The following KIAA0586 variants were observed in gnomAD, a reference collection of about 807,000 sequenced individuals.
The protein encoded by KIAA0586 is KIAA0586, also known as protein TALPID3.
In KIAA0586, 144 loss-of-function variants were observed where a neutral mutation model predicts 169.8. The ratio of observed to expected loss-of-function variants is 0.85; its 90% CI spans 0.74 to 0.97. The LOEUF (loss-of-function observed/expected upper bound fraction) is 0.97, where lower values mean the gene tolerates loss of function less well. Ranked by LOEUF, KIAA0586 falls within the 50% of genes least tolerant of loss-of-function variation. The probability of loss-of-function intolerance (pLI) is 0.00; values close to 1 mark genes in which losing one functional copy is unlikely to be tolerated. For missense variants in KIAA0586, 1,854 were observed against 1,823.0 expected (o/e 1.02, Z -0.31); for synonymous variants, 625 against 612.4 (o/e 1.02, Z -0.30).
chr14:58,512,496 A>G (rs1480456241), intron 28 of KIAA0586, 26 bp from the exon 29 acceptor site: 2 of 1,215,802 alleles, frequency 1.6e-6, no homozygotes, highest in Non-Finnish European at 2.2e-6. Context: ...AAATAATATT[A>G]TGACTTCATA....
At chr14:58,460,886 C>A in intron 13 of KIAA0586, 100 bp from the exon 14 acceptor site, 4 of 752,698 alleles carry the variant, frequency 5.3e-6, no homozygotes, top group South Asian at 4.3e-5. Context: ...CTTAATCATT[C>A]TTGTTATAAT....
Position 58,498,848 on chromosome 14 carries a change from G to T in KIAA0586, c.4056G>T (p.Glu1352Asp). 5.6e-6 allele frequency: 9 copies of T among 1,611,796 alleles called. No individual in the cohort carries two copies. In the South Asian group the frequency reaches 1.0e-4, roughly 18 times the overall value. The change falls in exon 27 of 31, where the codon GAG becomes GAT. Residue 1352 changes from glutamate (E) to aspartate (D), a missense_variant. Glu to Asp is a conservative substitution (Grantham distance 45). Transcript: ENST00000652326. ...GQRPQLTAAA[E>D]NILMGHSLYM... ...GACCCCAGCTAACAGCGGCAGCAGA[G>T]AACATCTTAATGGGACATTCTCTCT...
At chr14:58,551,425 C>T (rs1566973518), downstream of KIAA0586, 1 of 152,004 alleles carries the variant, frequency 6.6e-6, no homozygotes, top group Non-Finnish European at 1.5e-5. Flanking sequence ...AGTAAAGTAG[C>T]ATTTTTAAGT....
intron 27 of KIAA0586, among the ~76,000 whole-genome samples, chr14:58,507,551 A>G (rs1050633787): frequency 4.0e-5 from 6 of 151,726 alleles, no homozygotes; most frequent in African/African-American, 1.4e-4. Flanking sequence ...TTGATTTTGG[A>G]CAGTTAGTTA....
intron 20 of KIAA0586, among the ~76,000 whole-genome samples, chr14:58,480,784 T>C (rs1269838306): frequency 6.6e-6 from 1 of 152,258 alleles, no homozygotes; most frequent in Non-Finnish European, 1.5e-5. Context: ...ATAGCTCACA[T>C]GCCTCCTTCT....
intron 8 of KIAA0586, among the ~76,000 whole-genome samples, chr14:58,452,244 AACCAAAT>A (rs1454934620): frequency 6.6e-6 from 1 of 152,176 alleles, no homozygotes; most frequent in Non-Finnish European, 1.5e-5. Flanking sequence ...TTATTCATGT[AACCAAAT>A]ACCACCTGTT....
chr14:58,492,578 G>A (rs2042905568), intron 26 of KIAA0586, among the ~76,000 whole-genome samples: 1 of 152,106 alleles, frequency 6.6e-6, no homozygotes. Flanking sequence ...ACAAAGATAA[G>A]TAAGACATGA....
intron 27 of KIAA0586, among the ~76,000 whole-genome samples, chr14:58,504,717 A>G (rs992037606): frequency 7.2e-5 from 11 of 152,188 alleles, no homozygotes; most frequent in Admixed American, 6.5e-4. Flanking sequence ...TTATACAGGT[A>G]AGACACCCAC....
chr14:58,555,712 A>G (rs1043184861), downstream of KIAA0586, among the ~76,000 whole-genome samples: 4 of 152,110 alleles, frequency 2.6e-5, no homozygotes, highest in African/African-American at 7.2e-5. Flanking sequence ...TTGATGGATC[A>G]TGCCACTCCC....
At chr14:58,485,886 G>A (rs2042403776) in intron 21 of KIAA0586, among the ~76,000 whole-genome samples, 1 of 152,084 alleles carries the variant, frequency 6.6e-6, no homozygotes, top group African/African-American at 2.4e-5. Flanking sequence ...CACTTAAAAT[G>A]CTTCCTTTCT....
At chr14:58,525,682 A>C (rs2139938420) in intron 29 of KIAA0586, among the ~76,000 whole-genome samples, 1 of 152,250 alleles carries the variant, frequency 6.6e-6, no homozygotes, top group South Asian at 2.1e-4. Flanking sequence ...TTCATACTTC[A>C]GTGGCACTTG....
rs1189319999 is a variant in KIAA0586, at chr14:58,444,915, G to GGA, written c.807+740_807+741insGA. Among the ~76,000 whole-genome samples, 20 of 111,946 alleles carry GGA rather than the reference G, an allele frequency of 1.8e-4. 3 individuals are homozygous for GGA. Among genetic ancestry groups the GGA allele is most frequent in the East Asian group, 4.9e-4 (2 of 4,064 alleles). The allele number at this position is 111,946 out of a possible 152,430, so 73.4% of individuals were successfully genotyped here. A position where few individuals can be genotyped will look rare whatever the true frequency, so the allele number is the denominator to read the frequency against. ...GATGTAGCAAGACCTCATCTCTTAGGAAAAAAAAAAAAAAAAAAAAAAAAA... is the reference window on the plus strand; with the variant it reads ...GATGTAGCAAGACCTCATCTCTTAGGGAAAAAAAAAAAAAAAAAAAAAAAAAA... On this transcript the variant is annotated intron_variant, in intron 6 of 30. Transcript: ENST00000652326.
chr14:58,451,442 G>A (rs1301899564), intron 8 of KIAA0586, among the ~76,000 whole-genome samples: 1 of 151,746 alleles, frequency 6.6e-6, no homozygotes, highest in African/African-American at 2.4e-5. Context: ...TCCCAGGCTG[G>A]TCACAAACTC....
Position 58,448,413 on chromosome 14 carries a change from A to T in KIAA0586, c.881A>T (p.Glu294Val), listed in dbSNP as rs765495285. 6.2e-7 allele frequency: 1 copy of T among 1,610,532 alleles called. No homozygotes were observed. The highest frequency in any genetic ancestry group is 1.3e-5 in the African/African-American group (1 of 74,842). Residue 294 changes from glutamate (E) to valine (V), a missense_variant, in exon 7 of 31, where the codon GAA becomes GTA. By Grantham distance (121) the Glu-to-Val change is moderately radical. Transcript: ENST00000652326. Reference sequence around the variant, plus strand: ...AGTATGCCCTCCTCCAGAGCAGTGGAAAAGTATTCCGTAAAACCAGAACAC... The same window carrying T: ...AGTATGCCCTCCTCCAGAGCAGTGGTAAAGTATTCCGTAAAACCAGAACAC... ...PVSMPSSRAV[E>V]KYSVKPEHPN...
rs2037061725 is a variant in KIAA0586, at chr14:58,428,569, G to A, written c.199+106G>A. ...AGATATAAGTCTAGTTTGTACAGAT[G>A]TTTGAAAACTGACCCTGTTTCCCGG... On this transcript the variant is annotated intron_variant, in intron 1 of 30. Transcript: ENST00000652326. 3 of 790,578 alleles carry A rather than the reference G, an allele frequency of 3.8e-6. No individual in the cohort carries two copies. In the South Asian group the frequency reaches 5.9e-5, roughly 15 times the overall value. The allele number at this position is 790,578 out of a possible 1,614,324, so 49.0% of individuals were successfully genotyped here.
intron 20 of KIAA0586, among the ~76,000 whole-genome samples, chr14:58,479,086 A>T (rs1437814109): frequency 6.6e-6 from 1 of 152,204 alleles, no homozygotes; most frequent in Admixed American, 6.5e-5. Flanking sequence ...GTTTAACTTT[A>T]TAAGAAACTG....
At chr14:58,432,363 A>G (rs2037449432) in intron 3 of KIAA0586, 25 bp from the exon 4 acceptor site, 3 of 1,354,302 alleles carry the variant, frequency 2.2e-6, no homozygotes, top group Non-Finnish European at 3.0e-6. Flanking sequence ...AATTTAATAT[A>G]TATTTTTGTG....
rs561101344 is a variant in KIAA0586, at chr14:58,481,927, C to G, written c.2945-586C>G. ...CTCCTGGGTTCACGCCATCCTCCTG[C>G]CTCAGCCTCCCGAGTAGCTGGGACT... On this transcript the variant is annotated intron_variant, in intron 20 of 30. Coordinates refer to ENST00000652326, the MANE Select transcript of KIAA0586 (RefSeq NM_001329943.3). Among the ~76,000 whole-genome samples, 19 of 152,064 alleles carry G rather than the reference C, an allele frequency of 1.2e-4. No homozygotes were observed. The East Asian group carries it at 3.0e-3, about 24-fold the overall frequency.
intron 20 of KIAA0586, among the ~76,000 whole-genome samples, chr14:58,481,024 C>T (rs2141100799): frequency 6.6e-6 from 1 of 152,242 alleles, no homozygotes; most frequent in Non-Finnish European, 1.5e-5. Flanking sequence ...TTGGGCCATG[C>T]TCAAAGAATG....
Sources: allele counts gnomAD v4.1 joint callset (sites outside exome capture counted in the v4.1 genomes callset), GRCh38; gene constraint gnomAD v4.1.1; transcripts MANE v1.5; gene names NCBI Gene and HGNC (gene_info 2026-07-23, HGNC 2026-07-21).